DHRS4L2: variants seen among roughly 807,000 people sequenced by gnomAD.
The protein encoded by DHRS4L2 is dehydrogenase/reductase 4 like 2, also known as dehydrogenase/reductase SDR family member 4-like 2.
In DHRS4L2, 22 loss-of-function variants were observed where a neutral mutation model predicts 23.9. The ratio of observed to expected loss-of-function variants is 0.92; its 90% confidence interval spans 0.66 to 1.31. The LOEUF (loss-of-function observed/expected upper bound fraction) is 1.31, where lower values mean the gene tolerates loss of function less well. DHRS4L2 is among the 40% of genes most tolerant of loss of function. The pLI is 0.00. For synonymous variants in DHRS4L2, 141 were observed against 123.7 expected, an observed-to-expected ratio of 1.14 and a Z score of -0.93; for missense variants, 385 against 303.3, an observed-to-expected ratio of 1.27 and a Z score of -2.00.
At chr14:23,971,625 A>G (rs138751030) in intron 1 of DHRS4L2, among the ~76,000 whole-genome samples, 1,734 of 152,164 alleles carry the variant, frequency 0.011, 27 homozygotes, top group Non-Finnish European at 0.018. Flanking sequence ...CTAACAGCAG[A>G]TCTCTCAGCA....
intron 1 of DHRS4L2, among the ~76,000 whole-genome samples, chr14:23,989,314 G>A (rs1181004955): frequency 6.6e-6 from 1 of 151,620 alleles, no homozygotes; most frequent in African/African-American, 2.4e-5. Context: ...CAGCCCCATC[G>A]ATCTAGTCCC....
At chr14:23,992,843 A>G (rs2034297706) in intron 2 of DHRS4L2, among the ~76,000 whole-genome samples, 1 of 145,184 alleles carries the variant, frequency 6.9e-6, no homozygotes, top group Non-Finnish European at 1.5e-5. Flanking sequence ...GCACCACCAC[A>G]CCAGTTCATT....
chr14:23,978,096 C>T (rs2034000913), intron 1 of DHRS4L2, among the ~76,000 whole-genome samples: 1 of 151,456 alleles, frequency 6.6e-6, no homozygotes, highest in Non-Finnish European at 1.5e-5. Flanking sequence ...CAATTCTCAC[C>T]CTTTTATTAT....
intron 1 of DHRS4L2, among the ~76,000 whole-genome samples, chr14:23,976,126 G>C (rs2033959052): frequency 6.6e-6 from 1 of 151,574 alleles, no homozygotes; most frequent in Non-Finnish European, 1.5e-5. Context: ...CTAAACTAAA[G>C]AGCTTCTGCA....
chr14:23,990,293 G>A lies in DHRS4L2; in HGVS notation c.240G>A (p.Gly80=), dbSNP rs766594917. The part of the protein sequence containing the change: ...DQAVATLQGE[G]LSVTGTVCHV... ...CGGTGGCCACGCTGCAGGGGGAGGG[G>A]CTGAGCGTGACGGGCACTGTGTGCC... The change falls in exon 2 of 8, where the codon GGG becomes GGA. Residue 80 remains glycine, a synonymous_variant. Coordinates refer to ENST00000335125, the MANE Select transcript of DHRS4L2 (RefSeq NM_198083.4). The A allele has an allele frequency of 1.2e-5, 20 of 1,612,324 alleles. No homozygotes were observed. The highest frequency in any genetic ancestry group is 1.7e-5 in the Admixed American group (1 of 59,930).
intron 1 of DHRS4L2, among the ~76,000 whole-genome samples, chr14:23,972,664 T>C (rs1451360912): frequency 6.6e-6 from 1 of 151,840 alleles, no homozygotes; most frequent in African/African-American, 2.4e-5. Context: ...AGACAAAGTA[T>C]AGAGAAACAA....
At chr14:23,994,275 T>A (rs1213973786) in intron 2 of DHRS4L2, among the ~76,000 whole-genome samples, 2 of 151,640 alleles carry the variant, frequency 1.3e-5, no homozygotes, top group Admixed American at 1.3e-4. Context: ...AGGAGGGGTC[T>A]GGAAATAGAT....
intron 4 of DHRS4L2, 33 bp downstream of exon 4, chr14:24,000,966 G>T (rs769603521): frequency 2.0e-5 from 33 of 1,611,278 alleles, no homozygotes; most frequent in African/African-American, 4.1e-5. Flanking sequence ...TGGGTGAGAG[G>T]GGACCCCACA....
chr14:23,997,110 T>G, intron 3 of DHRS4L2, among the ~76,000 whole-genome samples: 1 of 147,382 alleles, frequency 6.8e-6, no homozygotes, highest in Non-Finnish European at 1.5e-5. Context: ...ATGAATTTTT[T>G]GGTTTCCCAG....
chr14:24,006,081 C>A lies in DHRS4L2; in HGVS notation c.*218C>A. The A allele has an allele frequency of 6.5e-7, 1 of 1,531,060 alleles. No homozygotes were observed. Among genetic ancestry groups the A allele is most frequent in the South Asian group, 1.2e-5 (1 of 80,948 alleles). The allele number at this position is 1,531,060 out of a possible 1,614,324, so 94.8% of individuals were successfully genotyped here. ...TGCATTCACCCACTGGCCTTTCCCA[C>A]CTCTGCTCACCTTACTGTTCACCTC... On this transcript the variant is annotated 3_prime_UTR_variant, in exon 8 of 8. Coordinates refer to ENST00000335125, the MANE Select transcript of DHRS4L2 (RefSeq NM_198083.4).
chr14:23,988,914 G>T, upstream of DHRS4L2: 1 of 1,608,708 alleles, frequency 6.2e-7, no homozygotes, highest in Non-Finnish European at 8.5e-7. Context: ...ACCTCCGCTG[G>T]AAGGAGTGGA....
intron 1 of DHRS4L2, among the ~76,000 whole-genome samples, chr14:23,975,264 A>C: frequency 6.6e-6 from 1 of 151,810 alleles, no homozygotes. Context: ...ATGTGCAAAA[A>C]TCACAAGCAT....
At chr14:23,989,726 C>T (rs925244924) in intron 1 of DHRS4L2, among the ~76,000 whole-genome samples, 1 of 151,754 alleles carries the variant, frequency 6.6e-6, no homozygotes, top group Admixed American at 6.6e-5. Flanking sequence ...GCAATATTTA[C>T]GTTTTTGACC....
At chr14:23,987,054 GA>G (rs892406263), upstream of DHRS4L2, among the ~76,000 whole-genome samples, 3 of 151,666 alleles carry the variant, frequency 2.0e-5, no homozygotes, top group African/African-American at 7.3e-5. Context: ...CTTGGCTGAG[GA>G]AAACACTAGA....
chr14:23,994,644 T>C (rs2034340693), intron 2 of DHRS4L2, among the ~76,000 whole-genome samples: 2 of 151,014 alleles, frequency 1.3e-5, no homozygotes, highest in Admixed American at 1.3e-4. Flanking sequence ...GCTGAGAACA[T>C]GCCACTGTGC....
chr14:23,985,606 A>G (rs1448776516), upstream of DHRS4L2, among the ~76,000 whole-genome samples: 5 of 151,732 alleles, frequency 3.3e-5, no homozygotes, highest in South Asian at 6.3e-4. Flanking sequence ...AGATAGGCAG[A>G]TGTTACCACC....
chr14:23,988,469 G>C (rs1323817917), upstream of DHRS4L2, among the ~76,000 whole-genome samples: 2 of 149,798 alleles, frequency 1.3e-5, no homozygotes, highest in African/African-American at 2.4e-5. Context: ...GACTCCATGG[G>C]GACCACAGGC....
chr14:23,999,061 C>A (rs1040408702), intron 3 of DHRS4L2, among the ~76,000 whole-genome samples: 64 of 148,926 alleles, frequency 4.3e-4, no homozygotes, highest in African/African-American at 1.6e-3. Flanking sequence ...TATGGAGGTC[C>A]ACAGAGAGGG....
In DHRS4L2 at chr14:23,981,391, T is replaced by C. The variant is rs150642132; in HGVS notation, c.-175-8791T>C. ...TGGCCATACTGCCCAAGGTAATTTA[T>C]AGATTCAGTGCTATCCCCATCAAGC... is the stretch of plus-strand genomic sequence containing the variant. On this transcript the variant is annotated intron_variant, in intron 1 of 5. Transcript: ENST00000534993. 2.2e-4 allele frequency among the ~76,000 whole-genome samples: 34 copies of C among 151,712 alleles called. 1 individual carries two copies. In the East Asian group the frequency reaches 6.4e-3, roughly 28 times the overall value.
Sources: gnomAD v4.1 joint callset for allele counts (sites outside exome capture counted in the v4.1 genomes callset) on GRCh38, gnomAD v4.1.1 for gene constraint, MANE v1.5 for transcripts, NCBI Gene and HGNC (gene_info 2026-07-23, HGNC 2026-07-21) for gene names.